The following PDE7A variants were observed in gnomAD, a reference collection of about 807,000 sequenced individuals.
PDE7A encodes high affinity 3',5'-cyclic-AMP phosphodiesterase 7A.
A neutral mutation model predicts 64.3 loss-of-function variants in PDE7A; 39 were observed. The ratio of observed to expected loss-of-function variants is 0.61; its 90% CI spans 0.47 to 0.79. The LOEUF (loss-of-function observed/expected upper bound fraction) is 0.79, where lower values mean the gene tolerates loss of function less well. PDE7A is among the 30% of genes least tolerant of loss of function. PDE7A has a pLI of 0.00. For synonymous variants in PDE7A, 203 were observed against 206.8 expected (o/e 0.98, Z 0.16); for missense variants, 470 against 582.8 (o/e 0.81, Z 1.99).
intron 3 of PDE7A, among the ~76,000 whole-genome samples, chr8:65,759,850 G>A (rs1381753576): frequency 6.6e-6 from 1 of 151,732 alleles, no homozygotes. Context: ...ACCCCACCCT[G>A]GTACTCTAGA....
chr8:65,726,110 A>G (rs1312271695), intron 9 of PDE7A, among the ~76,000 whole-genome samples: 2 of 152,204 alleles, frequency 1.3e-5, no homozygotes, highest in Non-Finnish European at 2.9e-5. Context: ...TTAAATTTTA[A>G]TACTCAAACA....
At chr8:65,730,179 T>C (rs1466250532) in intron 7 of PDE7A, among the ~76,000 whole-genome samples, 12 of 119,078 alleles carry the variant, frequency 1.0e-4, no homozygotes, top group South Asian at 2.9e-4. Context: ...TTCTTTTTTT[T>C]TTTTTTTTTT....
intron 1 of PDE7A, among the ~76,000 whole-genome samples, chr8:65,793,559 T>A (rs538371594): frequency 1.3e-4 from 20 of 149,826 alleles, no homozygotes; most frequent in African/African-American, 4.2e-4. Context: ...TAGGAGGCAA[T>A]GAGATCAGGT....
Position 65,715,793 on chromosome 8 carries a change from G to A in PDE7A, c.*3497C>T, listed in dbSNP as rs1252291494. 6.7e-6 allele frequency among the ~76,000 whole-genome samples: 1 copy of A among 149,630 alleles called. No homozygotes were observed. Among genetic ancestry groups the A allele is most frequent in the African/African-American group, 2.4e-5 (1 of 40,980 alleles). ...GAGGTCAGGAGATTGAGACCATCCT[G>A]GCTAACATGGTGAAACCCTAACTCT... On this transcript the variant is annotated 3_prime_UTR_variant, in exon 13 of 13. Transcript: ENST00000401827.
In PDE7A at chr8:65,727,389, G is replaced by T. The variant is rs1248483514; in HGVS notation, c.697-88C>A. The T allele has an allele frequency of 2.0e-5, 31 of 1,544,116 alleles. No individual in the cohort carries two copies. The Admixed American group carries it at 5.9e-4, about 29-fold the overall frequency. ...AGTAGTTTTGAATTAGCAGCCAATG[G>T]TAGTGGTGGTAATCTCCTCCCCCTT... On this transcript the variant is annotated intron_variant, in intron 7 of 12. Coordinates refer to ENST00000401827, the MANE Select transcript of PDE7A (RefSeq NM_001242318.3).
At position 65,767,997 on chromosome 8, in the gene PDE7A, G is replaced by C. The variant is rs182283366; in HGVS notation, c.283+11723C>G. On this transcript the variant is annotated intron_variant, in intron 3 of 12. Transcript: ENST00000401827. ...GCTGGGAGGCAGGTTTAGGAACTGA[G>C]CCCTTAACCTGTGGGGTCTGACACT... Among the ~76,000 whole-genome samples, 55 of 152,176 alleles carry C rather than the reference G, an allele frequency of 3.6e-4. No homozygotes were observed. In the East Asian group the frequency reaches 0.01, roughly 29 times the overall value.
chr8:65,762,100 T>G (rs995752295), intron 3 of PDE7A, among the ~76,000 whole-genome samples: 1 of 152,172 alleles, frequency 6.6e-6, no homozygotes, highest in African/African-American at 2.4e-5. Context: ...CCTTGGAGAT[T>G]ATTGTTTAAA....
intron 3 of PDE7A, among the ~76,000 whole-genome samples, chr8:65,768,628 T>C (rs911843647): frequency 6.6e-6 from 1 of 152,190 alleles, no homozygotes; most frequent in Non-Finnish European, 1.5e-5. Flanking sequence ...TAATACAAAT[T>C]CTTACTGATA....
rs544181203 is a variant in PDE7A at position 65,797,810 on chromosome 8, A to C, written c.139-14967T>G. ...TATATAAATATTTTTTAAATGAATAAAATAAATTTTAAAATGAGTCTAACA... is the reference window on the plus strand; with the variant it reads ...TATATAAATATTTTTTAAATGAATACAATAAATTTTAAAATGAGTCTAACA... On this transcript the variant is annotated intron_variant, in intron 1 of 12. Coordinates refer to ENST00000401827, the MANE Select transcript of PDE7A (RefSeq NM_001242318.3). Among the ~76,000 whole-genome samples the C allele has an allele frequency of 2.0e-5, 3 of 152,092 alleles. No individual in the cohort carries two copies. The South Asian group carries it at 6.2e-4, about 32-fold the overall frequency.
intron 1 of PDE7A, 39 bp downstream of exon 1, chr8:65,841,332 A>G: frequency 1.4e-6 from 2 of 1,479,074 alleles, no homozygotes; most frequent in South Asian, 1.3e-5. Flanking sequence ...GAAACAAAAG[A>G]GAGAAGCCCT....
At chr8:65,822,355 A>C (rs1455655820) in intron 1 of PDE7A, among the ~76,000 whole-genome samples, 1 of 152,226 alleles carries the variant, frequency 6.6e-6, no homozygotes, top group Admixed American at 6.5e-5. Context: ...TAGAACAGAA[A>C]TGACTGAATG....
At chr8:65,789,909 G>T (rs1441881823) in intron 1 of PDE7A, among the ~76,000 whole-genome samples, 1 of 152,242 alleles carries the variant, frequency 6.6e-6, no homozygotes, top group Admixed American at 6.5e-5. Flanking sequence ...TTTAGTTGGA[G>T]TGTACATTAA....
intron 5 of PDE7A, among the ~76,000 whole-genome samples, chr8:65,741,070 G>A (rs193154620): frequency 8.5e-4 from 130 of 152,148 alleles, no homozygotes; most frequent in Admixed American, 3.1e-3. Flanking sequence ...ATGATGTTTC[G>A]TTTTCCCTTC....
chr8:65,807,310 T>C (rs959513200), intron 1 of PDE7A, among the ~76,000 whole-genome samples: 1 of 152,232 alleles, frequency 6.6e-6, no homozygotes, highest in Non-Finnish European at 1.5e-5. Flanking sequence ...AATTGAGTTG[T>C]TTCCATTTCA....
At chr8:65,839,439 G>C (rs1211964240) in intron 1 of PDE7A, among the ~76,000 whole-genome samples, 1 of 150,510 alleles carries the variant, frequency 6.6e-6, no homozygotes, top group East Asian at 1.9e-4. Context: ...TAGGCCTAAA[G>C]AAATCAATAT....
chr8:65,841,603 G>T lies in PDE7A; in HGVS notation c.-95C>A. Reference sequence around the variant, plus strand: ...GGCCGCGGCTCGGGGGCTCCGGGCCGAGACGGGGGCAGGGCGGGCGGGGAC... The same window carrying T: ...GGCCGCGGCTCGGGGGCTCCGGGCCTAGACGGGGGCAGGGCGGGCGGGGAC... On this transcript the variant is annotated 5_prime_UTR_variant, in exon 1 of 13. Coordinates refer to ENST00000401827, the MANE Select transcript of PDE7A (RefSeq NM_001242318.3). 1.9e-6 allele frequency: 1 copy of T among 538,276 alleles called. No homozygotes were observed. Among genetic ancestry groups the T allele is most frequent in the Non-Finnish European group, 2.6e-6 (1 of 387,768 alleles). 33.3% of individuals were successfully genotyped at this position (538,276 alleles called of 1,614,324 possible).
chr8:65,840,207 G>A (rs1017084400), intron 1 of PDE7A, among the ~76,000 whole-genome samples: 1 of 152,156 alleles, frequency 6.6e-6, no homozygotes, highest in African/African-American at 2.4e-5. Flanking sequence ...TCACAAGTCT[G>A]CTCTGACCTC....
intron 3 of PDE7A, among the ~76,000 whole-genome samples, chr8:65,756,047 C>G (rs912465370): frequency 6.6e-6 from 1 of 152,218 alleles, no homozygotes; most frequent in East Asian, 1.9e-4. Flanking sequence ...TCGTGGTTGA[C>G]AGTTTTTTGT....
chr8:65,748,902 T>C (rs1807806552), intron 3 of PDE7A, among the ~76,000 whole-genome samples: 5 of 152,226 alleles, frequency 3.3e-5, no homozygotes, highest in Admixed American at 3.3e-4. Context: ...GCAGGTATGC[T>C]ACTAGTAATT....
Sources: gnomAD v4.1 joint callset for allele counts (sites outside exome capture counted in the v4.1 genomes callset) on GRCh38, gnomAD v4.1.1 for gene constraint, MANE v1.5 for transcripts, NCBI Gene and HGNC (gene_info 2026-07-23, HGNC 2026-07-21) for gene names.